The following SEMA3F variants were observed in gnomAD, a reference collection of about 807,000 sequenced individuals.
SEMA3F encodes semaphorin-3F.
In SEMA3F, 30 loss-of-function variants were observed where a neutral mutation model predicts 98.5. The ratio of observed to expected loss-of-function variants is 0.30; its 90% CI spans 0.23 to 0.41. SEMA3F has a LOEUF of 0.41. SEMA3F is among the 10% of genes least tolerant of loss of function. SEMA3F has a pLI of 1.00. For missense variants in SEMA3F, 866 were observed against 1,119.3 expected, an observed-to-expected ratio of 0.77 and a Z score of 3.23; for synonymous variants, 380 against 444.8, an observed-to-expected ratio of 0.85 and a Z score of 1.83.
chr3:50,185,269 C>A (rs551456479), intron 13 of SEMA3F, among the ~76,000 whole-genome samples, 174 bp from the exon 14 acceptor site: 2 of 152,318 alleles, frequency 1.3e-5, no homozygotes, highest in East Asian at 3.9e-4. Context: ...ATGGCCATGA[C>A]CCCCTATGTC....
rs1350710080 is a variant in SEMA3F, at chr3:50,185,160, C to T, written c.1457-283C>T. ...GTGCACACACATGCCACAGTGCACC[C>T]CCTACAGTTCCAGCAGCCCAAACAC... On this transcript the variant is annotated intron_variant, in intron 13 of 18. Transcript: ENST00000002829. Among the ~76,000 whole-genome samples the T allele has an allele frequency of 2.4e-4, 36 of 152,168 alleles. 1 individual carries two copies. The highest frequency in any genetic ancestry group is 2.4e-3 in the Admixed American group (36 of 15,280).
intron 3 of SEMA3F, 43 bp downstream of exon 3, chr3:50,173,996 C>T (rs1026296238): frequency 6.2e-7 from 1 of 1,613,940 alleles, no homozygotes; most frequent in Non-Finnish European, 8.5e-7. Context: ...GGGCACGGAG[C>T]CCCAGGGCTC....
At chr3:50,183,046 C>T in intron 10 of SEMA3F, 28 bp downstream of exon 10, 1 of 1,599,360 alleles carries the variant, frequency 6.3e-7, no homozygotes, top group Non-Finnish European at 8.6e-7. Flanking sequence ...AGGCAGGGTG[C>T]TCTGGCTACA....
chr3:50,162,538 GC>G (rs1435864238), intron 2 of SEMA3F, among the ~76,000 whole-genome samples: 1 of 152,190 alleles, frequency 6.6e-6, no homozygotes, highest in African/African-American at 2.4e-5. Flanking sequence ...CCATGCCTGG[GC>G]CTGGAGTCCC....
At chr3:50,177,105 T>C (rs1698844820) in intron 7 of SEMA3F, among the ~76,000 whole-genome samples, 1 of 152,168 alleles carries the variant, frequency 6.6e-6, no homozygotes, top group East Asian at 1.9e-4. Flanking sequence ...GGAAGCCAGG[T>C]CCTACCCTGA....
chr3:50,155,470 G>A lies in SEMA3F; in HGVS notation c.-143G>A. 1 of 305,164 alleles carries A rather than the reference G, an allele frequency of 3.3e-6. No individual in the cohort carries two copies. The highest frequency in any genetic ancestry group is 6.0e-6 in the Non-Finnish European group (1 of 167,332). 18.9% of individuals were successfully genotyped at this position (305,164 alleles called of 1,614,324 possible). On this transcript the variant is annotated 5_prime_UTR_variant, in exon 1 of 19. An upstream start codon of the reference 5' UTR is lost. Coordinates refer to ENST00000002829, the MANE Select transcript of SEMA3F (RefSeq NM_004186.5). The surrounding 1 kb of genome is among the most constrained non-coding windows in gnomAD (Gnocchi z 4.9). The stretch of plus-strand genomic sequence containing the variant: ...GGCGAGAGGTCGCGGGCAGGGCCAT[G>A]GCCCCGGGGGGCCGCTAGCGCGGAC...
Position 50,182,325 on chromosome 3 carries a change from A to G in SEMA3F, c.685A>G (p.Thr229Ala), listed in dbSNP as rs777449225. 6.2e-7 allele frequency: 1 copy of G among 1,614,106 alleles called. No individual in the cohort carries two copies. Among genetic ancestry groups the G allele is most frequent in the Non-Finnish European group, 8.5e-7 (1 of 1,180,020 alleles). Residue 229 changes from threonine to alanine, a missense_variant, in exon 8 of 19, where the codon ACT becomes GCT. This residue lies in a region of SEMA3F where 374 missense variants were observed against 582.8 expected (regional missense o/e 0.64). Transcript: ENST00000002829. The surrounding 1 kb of genome is among the most constrained non-coding windows in gnomAD (Gnocchi z 4.5). The part of the protein sequence containing the change: ...YAGVYIDFMG[T>A]DAAIFRTLGK... The stretch of plus-strand genomic sequence containing the variant: ...TGGTGTGTACATCGATTTTATGGGC[A>G]CTGATGCAGCCATCTTCCGCACACT...
chr3:50,185,805 C>G, intron 15 of SEMA3F, 84 bp from the exon 16 acceptor site: 2 of 1,607,560 alleles, frequency 1.2e-6, no homozygotes, highest in Non-Finnish European at 1.7e-6. Context: ...AGGCATGGAA[C>G]AGGGGAGAGG....
At chr3:50,173,359 C>A (rs1045609459) in intron 2 of SEMA3F, 3 of 170,960 alleles carry the variant, frequency 1.8e-5, no homozygotes, top group Non-Finnish European at 1.3e-5. Context: ...GTGATCCCAA[C>A]TACTCAGGAG....
rs928097163 is a variant in SEMA3F at position 50,166,301 on chromosome 3, C to T, written c.112+6567C>T. Among the ~76,000 whole-genome samples the T allele has an allele frequency of 3.3e-5, 5 of 152,220 alleles. No individual in the cohort carries two copies. Among genetic ancestry groups the T allele is most frequent in the African/African-American group, 1.2e-4 (5 of 41,448 alleles). ...TCGTGTGTCTGCTGTTCAGCCAGCACGGTTGCCTTCTAAGGGTCATACACT... is the reference window on the plus strand; with the variant it reads ...TCGTGTGTCTGCTGTTCAGCCAGCATGGTTGCCTTCTAAGGGTCATACACT... On this transcript the variant is annotated intron_variant, in intron 2 of 18. Transcript: ENST00000002829. This position sits in a 1 kb window ranked among gnomAD's most constrained non-coding sequence, Gnocchi z 4.7.
chr3:50,163,454 C>G (rs912256184), intron 2 of SEMA3F, among the ~76,000 whole-genome samples: 1 of 152,226 alleles, frequency 6.6e-6, no homozygotes, highest in African/African-American at 2.4e-5. Flanking sequence ...TAGCCCAGAA[C>G]AGTGCCACCG....
chr3:50,187,632 G>A, intron 18 of SEMA3F, 73 bp from the exon 19 acceptor site: 1 of 1,355,734 alleles, frequency 7.4e-7, no homozygotes. Flanking sequence ...CACAAAGGTG[G>A]TCTGATCTGG....
At position 50,182,430 on chromosome 3, in the gene SEMA3F, G is replaced by A. The variant is rs776564904; in HGVS notation, c.763+27G>A. The A allele has an allele frequency of 1.5e-5, 24 of 1,612,076 alleles. No individual in the cohort carries two copies. The highest frequency in any genetic ancestry group is 1.7e-4 in the Middle Eastern group (1 of 5,900). On this transcript the variant is annotated intron_variant, in intron 8 of 18. Coordinates refer to ENST00000002829, the MANE Select transcript of SEMA3F (RefSeq NM_004186.5). The surrounding 1 kb of genome is among the most constrained non-coding windows in gnomAD (Gnocchi z 4.5). ...TAAGCGCAGCCCCAGGAGCCCTTCC[G>A]TGGCCATGTGTCTGGGATGCGGCAA...
intron 11 of SEMA3F, 53 bp from the exon 12 acceptor site, chr3:50,183,367 G>C: frequency 2.5e-6 from 4 of 1,607,308 alleles, no homozygotes; most frequent in Non-Finnish European, 3.4e-6. Flanking sequence ...AGTTTGGGGA[G>C]GGGCCCTAGG....
chr3:50,179,970 G>A (rs750690028), intron 7 of SEMA3F, among the ~76,000 whole-genome samples: 2 of 152,158 alleles, frequency 1.3e-5, no homozygotes, highest in Non-Finnish European at 2.9e-5. Context: ...TGATAAGGCT[G>A]TTTCACTTTC....
In SEMA3F at chr3:50,187,806, C is replaced by T. The variant is rs1256355810; in HGVS notation, c.2049C>T (p.Asn683=). The T allele has an allele frequency of 6.2e-7, 1 of 1,613,640 alleles. No individual in the cohort carries two copies. The highest frequency in any genetic ancestry group is 8.5e-7 in the Non-Finnish European group (1 of 1,180,016). Residue 683 remains asparagine, a synonymous_variant, in exon 19 of 19, where the codon AAC becomes AAT. Transcript: ENST00000002829. ...TCTACTCCTGCACAGCCACTGAGAA[C>T]AACTTTAAGCACGTCGTCACACGAG... is the stretch of plus-strand genomic sequence containing the variant. ...RGLYSCTATE[N]NFKHVVTRVQ... is the part of the protein sequence containing the mutation.
chr3:50,173,051 G>A (rs1021515540), intron 2 of SEMA3F, among the ~76,000 whole-genome samples: 6 of 152,162 alleles, frequency 3.9e-5, no homozygotes, highest in African/African-American at 1.4e-4. Context: ...GGCTGTCTAT[G>A]AATCAGGGGT....
chr3:50,181,531 C>T (rs954057596), intron 7 of SEMA3F, among the ~76,000 whole-genome samples: 1 of 151,910 alleles, frequency 6.6e-6, no homozygotes, highest in African/African-American at 2.4e-5. Context: ...ACCACATTGG[C>T]CAGGATGGTC....
chr3:50,167,722 A>G (rs1367645239), intron 2 of SEMA3F, among the ~76,000 whole-genome samples: 1 of 152,134 alleles, frequency 6.6e-6, no homozygotes, highest in Non-Finnish European at 1.5e-5. Flanking sequence ...TCCCATCTTG[A>G]GGGTCCCACT....
Sources: allele counts gnomAD v4.1 joint callset (sites outside exome capture counted in the v4.1 genomes callset), GRCh38; gene constraint gnomAD v4.1.1; regional missense constraint gnomAD v4.1.1; non-coding constraint Gnocchi (gnomAD v3.1); transcripts MANE v1.5; gene names NCBI Gene and HGNC (gene_info 2026-07-23, HGNC 2026-07-21).